The following EPHA5 variants were observed in gnomAD, a reference collection of about 807,000 sequenced individuals.
The protein encoded by EPHA5 is ephrin type-A receptor 5.
Under a neutral mutation model 105.0 loss-of-function variants are expected in EPHA5, and 60 were observed. That is an observed-to-expected ratio of 0.57 (90% CI 0.46 to 0.71). EPHA5 has a LOEUF of 0.71. Among genes scored for constraint, EPHA5 ranks in the 30% least tolerant of loss-of-function variants. The pLI is 0.00. For missense variants in EPHA5, 1,218 were observed against 1,274.7 expected, an observed-to-expected ratio of 0.96 and a Z score of 0.68; for synonymous variants, 513 against 449.1, an observed-to-expected ratio of 1.14 and a Z score of -1.80.
At chr4:65,497,200 T>C (rs190803387) in intron 3 of EPHA5, among the ~76,000 whole-genome samples, 4 of 152,270 alleles carry the variant, frequency 2.6e-5, no homozygotes, top group Admixed American at 2.6e-4. Flanking sequence ...AAAGGTGAAC[T>C]TGTATTTCAG....
At chr4:65,339,525 T>C (rs1167608427) in intron 14 of EPHA5, among the ~76,000 whole-genome samples, 1 of 152,028 alleles carries the variant, frequency 6.6e-6, no homozygotes, top group African/African-American at 2.4e-5. Context: ...TAAACAAGAG[T>C]TAAGCTCTTA....
At chr4:65,563,507 T>C (rs561063042) in intron 3 of EPHA5, among the ~76,000 whole-genome samples, 2 of 152,190 alleles carry the variant, frequency 1.3e-5, no homozygotes, top group South Asian at 4.1e-4. Flanking sequence ...AATGGTTAGA[T>C]TTTAGGAAGT....
intron 5 of EPHA5, among the ~76,000 whole-genome samples, chr4:65,489,609 C>A (rs1393563661): frequency 6.6e-6 from 1 of 152,150 alleles, no homozygotes; most frequent in Non-Finnish European, 1.5e-5. Flanking sequence ...TAGAATGCCA[C>A]ATAGTGGGTT....
intron 11 of EPHA5, among the ~76,000 whole-genome samples, chr4:65,364,751 T>C (rs1717688757): frequency 6.6e-6 from 1 of 151,596 alleles, no homozygotes; most frequent in African/African-American, 2.4e-5. Flanking sequence ...AAAGTTGATA[T>C]ATTTACTGCT....
rs1344325100 is a variant in EPHA5 at position 65,520,040 on chromosome 4, A to G, written c.911-24497T>C. 2.6e-5 allele frequency among the ~76,000 whole-genome samples: 4 copies of G among 152,320 alleles called. No individual in the cohort carries two copies. The South Asian group carries it at 6.2e-4, about 24-fold the overall frequency. On this transcript the variant is annotated intron_variant, in intron 3 of 16. Transcript: ENST00000613740. Reference sequence around the variant, plus strand: ...TGGAAAAAACTACTTTAAAGTTCATATGGAACCAAAAAAGAGCCTGCATTG... The same window carrying G: ...TGGAAAAAACTACTTTAAAGTTCATGTGGAACCAAAAAAGAGCCTGCATTG...
intron 6 of EPHA5, among the ~76,000 whole-genome samples, chr4:65,414,826 A>G (rs1228169604): frequency 6.6e-6 from 1 of 152,158 alleles, no homozygotes; most frequent in African/African-American, 2.4e-5. Context: ...CATACTGCCT[A>G]TTCATACAGA....
chr4:65,547,706 C>A (rs1428742255), intron 3 of EPHA5, among the ~76,000 whole-genome samples: 3 of 151,924 alleles, frequency 2.0e-5, no homozygotes, highest in Non-Finnish European at 4.4e-5. Context: ...TGTTGATTCT[C>A]AAAATGAAAG....
chr4:65,578,821 A>G (rs1354258446), intron 3 of EPHA5, among the ~76,000 whole-genome samples: 2 of 152,116 alleles, frequency 1.3e-5, no homozygotes, highest in Non-Finnish European at 1.5e-5. Context: ...AAGAAACTCA[A>G]TGCTGACTAT....
At chr4:65,660,512 G>A (rs1012921241) in intron 1 of EPHA5, among the ~76,000 whole-genome samples, 28 of 152,098 alleles carry the variant, frequency 1.8e-4, no homozygotes, top group Non-Finnish European at 3.1e-4. Context: ...TAGGAGAAAG[G>A]GAGGAAAGAT....
At chr4:65,575,164 A>G (rs975950310) in intron 3 of EPHA5, among the ~76,000 whole-genome samples, 7 of 152,096 alleles carry the variant, frequency 4.6e-5, no homozygotes, top group Non-Finnish European at 1.0e-4. Flanking sequence ...GAGTGAGCAG[A>G]TCAGACAGAA....
chr4:65,538,928 T>G (rs1736551994), intron 3 of EPHA5, among the ~76,000 whole-genome samples: 2 of 151,714 alleles, frequency 1.3e-5, no homozygotes, highest in Admixed American at 1.3e-4. Flanking sequence ...AAAGACATTC[T>G]GCCAGCAAGA....
intron 3 of EPHA5, among the ~76,000 whole-genome samples, chr4:65,551,115 A>G (rs762932250): frequency 2.6e-5 from 4 of 151,530 alleles, no homozygotes; most frequent in Non-Finnish European, 5.9e-5. Context: ...TATGAAATAT[A>G]TTTACATACA....
intron 3 of EPHA5, among the ~76,000 whole-genome samples, chr4:65,556,779 C>T (rs1578415637): frequency 6.6e-6 from 1 of 152,074 alleles, no homozygotes; most frequent in Non-Finnish European, 1.5e-5. Flanking sequence ...TTTACTTTAA[C>T]CATGTAAAAT....
At chr4:65,614,833 A>G (rs1745086088) in intron 2 of EPHA5, among the ~76,000 whole-genome samples, 1 of 151,746 alleles carries the variant, frequency 6.6e-6, no homozygotes, top group Admixed American at 6.6e-5. Flanking sequence ...GGATCTTTAC[A>G]TGATTCTAAA....
At chr4:65,565,687 C>A (rs1739461931) in intron 3 of EPHA5, among the ~76,000 whole-genome samples, 3 of 148,672 alleles carry the variant, frequency 2.0e-5, no homozygotes, top group African/African-American at 2.5e-5. Flanking sequence ...ACAAAAATAG[C>A]CATTAAAAAA....
At chr4:65,571,683 C>T (rs1046460647) in intron 3 of EPHA5, among the ~76,000 whole-genome samples, 6 of 151,928 alleles carry the variant, frequency 3.9e-5, no homozygotes, top group Non-Finnish European at 5.9e-5. Flanking sequence ...TTAGGTCTTA[C>T]GTATGTTTTA....
intron 5 of EPHA5, among the ~76,000 whole-genome samples, chr4:65,453,611 C>G (rs1727275521): frequency 6.6e-6 from 1 of 152,112 alleles, no homozygotes; most frequent in Non-Finnish European, 1.5e-5. Context: ...GGACATTCAG[C>G]TGGTAAGGGA....
At chr4:65,434,187 A>T (rs910068384) in intron 5 of EPHA5, among the ~76,000 whole-genome samples, 4 of 152,186 alleles carry the variant, frequency 2.6e-5, no homozygotes, top group Non-Finnish European at 5.9e-5. Context: ...GGGCTAGGAT[A>T]ATCTCCCTAT....
intron 3 of EPHA5, among the ~76,000 whole-genome samples, chr4:65,527,230 C>T (rs548787385): frequency 1.1e-4 from 16 of 151,796 alleles, no homozygotes; most frequent in Non-Finnish European, 1.5e-4. Flanking sequence ...CTTGCAATAG[C>T]GAAAAAATTA....
Sources: allele counts gnomAD v4.1 joint callset (sites outside exome capture counted in the v4.1 genomes callset), GRCh38; gene constraint gnomAD v4.1.1; transcripts MANE v1.5; gene names NCBI Gene and HGNC (gene_info 2026-07-23, HGNC 2026-07-21).